Variants in PCDHGA5 observed in about 807,000 individuals in gnomAD.
PCDHGA5 encodes the protein protocadherin gamma-A5.
PCDHGA5 carries 36 observed loss-of-function variants against 56.7 expected under a neutral mutation model. The observed-to-expected ratio is 0.64, with a 90% CI of 0.49 to 0.84. The LOEUF is 0.84. PCDHGA5 is among the 40% of genes least tolerant of loss of function. The pLI is 0.00. For missense variants in PCDHGA5, 1,305 were observed against 1,201.5 expected, an observed-to-expected ratio of 1.09 and a Z score of -1.27; for synonymous variants, 563 against 520.2, an observed-to-expected ratio of 1.08 and a Z score of -1.12.
chr5:141,410,817 ATGTCACCAGACTGAAGATATTTTGTCTT>A, intron 1 of PCDHGA5: 1 of 524,252 alleles, frequency 1.9e-6, no homozygotes, highest in Non-Finnish European at 3.1e-6. Flanking sequence ...TTGTAAAATA[ATGTCACCAGACTGAAGATATTTTGTCTT>A]TGTCTTTTTT....
intron 2 of PCDHGA5, among the ~76,000 whole-genome samples, chr5:141,503,203 A>G (rs10477147): frequency 0.037 from 5,590 of 152,130 alleles, 132 homozygotes; most frequent in South Asian, 0.073. Flanking sequence ...TCAGCCTCTC[A>G]GTGCCCACCA....
At chr5:141,411,394 A>AC (rs958605809) in intron 1 of PCDHGA5, 4 of 151,570 alleles carry the variant, frequency 2.6e-5, no homozygotes, top group South Asian at 2.1e-4. Context: ...ATATAGGGAG[A>AC]CCCCCCATCT....
chr5:141,380,499 A>G (rs1185808520), intron 1 of PCDHGA5, among the ~76,000 whole-genome samples: 4 of 152,330 alleles, frequency 2.6e-5, no homozygotes, highest in East Asian at 1.9e-4. Flanking sequence ...GTCAACAATA[A>G]TATACACTCT....
At chr5:141,418,718 A>G (rs1334115906) in intron 1 of PCDHGA5, 4 of 1,613,912 alleles carry the variant, frequency 2.5e-6, no homozygotes, top group Non-Finnish European at 3.4e-6. Flanking sequence ...TGTGGCTGAC[A>G]AAGCTCAGCA....
chr5:141,418,986 C>T, intron 1 of PCDHGA5: 1 of 1,613,930 alleles, frequency 6.2e-7, no homozygotes, highest in Non-Finnish European at 8.5e-7. Context: ...GACCAAGACT[C>T]AGGGGAAAAT....
intron 1 of PCDHGA5, among the ~76,000 whole-genome samples, chr5:141,401,018 G>C (rs2094104038): frequency 6.6e-6 from 1 of 152,108 alleles, no homozygotes; most frequent in Admixed American, 6.5e-5. Flanking sequence ...ATGGATTTAT[G>C]ATTTTTTGAA....
Position 141,431,112 on chromosome 5 carries a change from GAGTAGA to G in PCDHGA5, c.2422-63684_2422-63679del, listed in dbSNP as rs764068262. On this transcript the variant is annotated intron_variant, in intron 1 of 3. Transcript: ENST00000518069. The surrounding 1 kb of genome is among the most constrained non-coding windows in gnomAD (Gnocchi z 4.8). ...ATGGAGGATAAAGTGAAAATATATG[GAGTAGA>G]AGTAGAAGTAAGGGACATTAACGAC... The G allele has an allele frequency of 1.7e-5, 28 of 1,614,128 alleles. No individual in the cohort carries two copies. The highest frequency in any genetic ancestry group is 3.3e-5 in the South Asian group (3 of 91,092).
At chr5:141,375,677 G>C (rs1171088976) in intron 1 of PCDHGA5, 2 of 1,614,236 alleles carry the variant, frequency 1.2e-6, no homozygotes, top group African/African-American at 2.7e-5. Flanking sequence ...ACAGCTGTGG[G>C]TGACAGCCAG....
chr5:141,413,904 G>T (rs1230344912), intron 1 of PCDHGA5: 3 of 1,613,160 alleles, frequency 1.9e-6, no homozygotes, highest in East Asian at 2.2e-5. Context: ...ATGACAACGC[G>T]CCGGTCTTCA....
chr5:141,427,787 C>T, intron 1 of PCDHGA5: 1 of 1,478,068 alleles, frequency 6.8e-7, no homozygotes, highest in Non-Finnish European at 9.4e-7. Flanking sequence ...CACTGTCGTC[C>T]TACGTGTCCG....
At chr5:141,430,405 A>T (rs1163049877) in intron 1 of PCDHGA5, among the ~76,000 whole-genome samples, 1 of 152,124 alleles carries the variant, frequency 6.6e-6, no homozygotes, top group Non-Finnish European at 1.5e-5. Flanking sequence ...AAGCTCACTA[A>T]AGTTTCTATT....
In PCDHGA5 at chr5:141,485,417, G is replaced by A. The variant is rs1340790133; in HGVS notation, c.2422-9390G>A. The A allele has an allele frequency of 1.2e-6, 2 of 1,614,166 alleles. No homozygotes were observed. Among genetic ancestry groups the A allele is most frequent in the Non-Finnish European group, 8.5e-7 (1 of 1,180,038 alleles). ...ACACTTCCGTGTGGATTTGGACAGCGGAGCCCTGCTCATCAAGAACCCAAT... is the reference window on the plus strand; with the variant it reads ...ACACTTCCGTGTGGATTTGGACAGCAGAGCCCTGCTCATCAAGAACCCAAT... On this transcript the variant is annotated intron_variant, in intron 1 of 3. Coordinates refer to ENST00000518069, the MANE Select transcript of PCDHGA5 (RefSeq NM_018918.3). The surrounding 1 kb of genome is among the most constrained non-coding windows in gnomAD (Gnocchi z 5.7).
intron 1 of PCDHGA5, among the ~76,000 whole-genome samples, chr5:141,482,914 A>G (rs1023561837): frequency 6.6e-6 from 1 of 152,162 alleles, no homozygotes; most frequent in Non-Finnish European, 1.5e-5. Context: ...TCTATTAAAA[A>G]TACAAAAAAT....
chr5:141,433,878 T>C (rs774226497), intron 1 of PCDHGA5, among the ~76,000 whole-genome samples: 15 of 151,848 alleles, frequency 9.9e-5, no homozygotes, highest in Non-Finnish European at 1.5e-4. Flanking sequence ...GTTTCATCCA[T>C]TGATGACACT....
chr5:141,415,098 G>A, intron 1 of PCDHGA5: 5 of 1,613,586 alleles, frequency 3.1e-6, no homozygotes, highest in Non-Finnish European at 4.2e-6. Context: ...ACAGAGACGC[G>A]CTCAAGCAAA....
At chr5:141,375,557 G>T (rs1160596322) in intron 1 of PCDHGA5, 1 of 1,613,988 alleles carries the variant, frequency 6.2e-7, no homozygotes, top group Admixed American at 1.7e-5. Context: ...CTACTCACTG[G>T]CAGAAGACAC....
chr5:141,478,514 G>A, intron 1 of PCDHGA5: 2 of 1,611,534 alleles, frequency 1.2e-6, no homozygotes, highest in Non-Finnish European at 1.7e-6. Context: ...CTATAGGCAG[G>A]TGTTGGGTGC....
Position 141,486,558 on chromosome 5 carries a change from T to C in PCDHGA5, c.2422-8249T>C, listed in dbSNP as rs544575797. 1 of 1,614,034 alleles carries C rather than the reference T, an allele frequency of 6.2e-7. No homozygotes were observed. Among genetic ancestry groups the C allele is most frequent in the Non-Finnish European group, 8.5e-7 (1 of 1,180,012 alleles). ...TCTTTCTTTCAGAGGTCACATGAGG[T>C]GTTTGTTCCTGAGAACAATCGCCCA... On this transcript the variant is annotated intron_variant, in intron 1 of 3. Coordinates refer to ENST00000518069, the MANE Select transcript of PCDHGA5 (RefSeq NM_018918.3). This position sits in a 1 kb window ranked among gnomAD's most constrained non-coding sequence, Gnocchi z 5.0.
chr5:141,403,177 C>T, intron 1 of PCDHGA5: 3 of 1,614,008 alleles, frequency 1.9e-6, no homozygotes, highest in Non-Finnish European at 2.5e-6. Context: ...CGCAGCTTTT[C>T]TCTCTGAACC....
Sources: allele counts gnomAD v4.1 joint callset (sites outside exome capture counted in the v4.1 genomes callset), GRCh38; gene constraint gnomAD v4.1.1; non-coding constraint Gnocchi (gnomAD v3.1); transcripts MANE v1.5; gene names NCBI Gene and HGNC (gene_info 2026-07-23, HGNC 2026-07-21).